The following EPHB2 variants were observed in gnomAD, a reference collection of about 807,000 sequenced individuals.
EPHB2 encodes the protein EPH receptor B2, also known as ephrin type-B receptor 2.
A neutral mutation model predicts 96.4 loss-of-function variants in EPHB2; 18 were observed. That is an observed-to-expected ratio of 0.19 (90% confidence interval 0.13 to 0.28). EPHB2 has a LOEUF of 0.28. Among genes scored for constraint, EPHB2 ranks in the 10% least tolerant of loss-of-function variants. EPHB2 has a pLI of 1.00. For synonymous variants in EPHB2, 506 were observed against 534.1 expected, an observed-to-expected ratio of 0.95 and a Z score of 0.72; for missense variants, 989 against 1,355.4, an observed-to-expected ratio of 0.73 and a Z score of 4.25.
chr1:22,801,601 A>G (rs1172711091), intron 3 of EPHB2, among the ~76,000 whole-genome samples: 1 of 151,996 alleles, frequency 6.6e-6, no homozygotes, highest in East Asian at 1.9e-4. Context: ...GCCTTAGAGG[A>G]TGCCCAGACC....
intron 1 of EPHB2, among the ~76,000 whole-genome samples, chr1:22,719,084 T>G (rs991580153): frequency 2.0e-5 from 3 of 152,186 alleles, no homozygotes; most frequent in Non-Finnish European, 4.4e-5. Context: ...ATAATGTTGT[T>G]CTAACTTAGA....
chr1:22,783,864 T>C (rs1017761739), intron 2 of EPHB2, among the ~76,000 whole-genome samples: 1 of 152,104 alleles, frequency 6.6e-6, no homozygotes, highest in Non-Finnish European at 1.5e-5. Flanking sequence ...GCTGTTCTCA[T>C]GGGGAAGGAC....
chr1:22,815,833 G>A (rs974028193), intron 3 of EPHB2, among the ~76,000 whole-genome samples: 2 of 152,156 alleles, frequency 1.3e-5, no homozygotes, highest in East Asian at 1.9e-4. Context: ...CTGGGAGCCC[G>A]GGGCGGTGCT....
chr1:22,896,600 C>A, intron 9 of EPHB2, 122 bp downstream of exon 9: 3 of 1,317,204 alleles, frequency 2.3e-6, no homozygotes, highest in African/African-American at 1.4e-5. Flanking sequence ...CAAGTGGTTG[C>A]CTGGTTGCAC....
At chr1:22,854,270 G>A (rs960109605) in intron 3 of EPHB2, among the ~76,000 whole-genome samples, 1 of 152,178 alleles carries the variant, frequency 6.6e-6, no homozygotes, top group African/African-American at 2.4e-5. Context: ...CAGCACTTAG[G>A]GAGGTCAGGG....
At chr1:22,876,921 A>C (rs1350909212) in intron 5 of EPHB2, among the ~76,000 whole-genome samples, 3 of 152,174 alleles carry the variant, frequency 2.0e-5, no homozygotes, top group Non-Finnish European at 4.4e-5. Flanking sequence ...AGCTGCCTGT[A>C]ACCCAAGCCT....
intron 1 of EPHB2, among the ~76,000 whole-genome samples, chr1:22,726,873 G>A (rs1428489596): frequency 6.6e-6 from 1 of 152,230 alleles, no homozygotes; most frequent in Non-Finnish European, 1.5e-5. Context: ...TGTGCCGTCA[G>A]GATGGCATTA....
chr1:22,824,929 G>T (rs916154594), intron 3 of EPHB2, among the ~76,000 whole-genome samples: 1 of 152,224 alleles, frequency 6.6e-6, no homozygotes, highest in Non-Finnish European at 1.5e-5. Context: ...GGGCAGAGCT[G>T]GTAACAGAGC....
intron 1 of EPHB2, among the ~76,000 whole-genome samples, chr1:22,768,995 T>C (rs1298048443): frequency 6.6e-6 from 1 of 152,162 alleles, no homozygotes; most frequent in Admixed American, 6.5e-5. Flanking sequence ...ATCCCCCTTA[T>C]AGACTGGGAC....
chr1:22,824,121 A>G (rs1382896228), intron 3 of EPHB2, among the ~76,000 whole-genome samples: 1 of 152,196 alleles, frequency 6.6e-6, no homozygotes, highest in Non-Finnish European at 1.5e-5. Context: ...GGGGCTGGAT[A>G]GGTAGGTAGG....
chr1:22,849,222 C>T (rs1645588108), intron 3 of EPHB2, among the ~76,000 whole-genome samples: 1 of 152,188 alleles, frequency 6.6e-6, no homozygotes, highest in Non-Finnish European at 1.5e-5. Context: ...TGCTCTTCTC[C>T]TCAGGTGTTG....
chr1:22,838,066 A>C (rs1322626424), intron 3 of EPHB2, among the ~76,000 whole-genome samples: 1 of 152,166 alleles, frequency 6.6e-6, no homozygotes, highest in African/African-American at 2.4e-5. Flanking sequence ...ATGGAATCAA[A>C]CTTAAGAGCT....
At chr1:22,724,322 C>G (rs1166357531) in intron 1 of EPHB2, among the ~76,000 whole-genome samples, 1 of 152,138 alleles carries the variant, frequency 6.6e-6, no homozygotes, top group African/African-American at 2.4e-5. Flanking sequence ...GGACAGAGAA[C>G]TAACATTTAC....
At chr1:22,823,800 A>T (rs1275309511) in intron 3 of EPHB2, among the ~76,000 whole-genome samples, 1 of 152,240 alleles carries the variant, frequency 6.6e-6, no homozygotes, top group Non-Finnish European at 1.5e-5. Context: ...CTACCCCAGC[A>T]CCTAGCATAG....
intron 1 of EPHB2, among the ~76,000 whole-genome samples, chr1:22,773,359 G>A (rs1221846746): frequency 6.6e-6 from 1 of 152,110 alleles, no homozygotes; most frequent in Admixed American, 6.6e-5. Flanking sequence ...ACCAGGCCAC[G>A]AGATCCCAGC....
chr1:22,812,045 C>T (rs148824008), intron 3 of EPHB2, among the ~76,000 whole-genome samples: 99 of 152,310 alleles, frequency 6.5e-4, no homozygotes, highest in African/African-American at 1.9e-3. Context: ...TCTCAAAAAA[C>T]GAAATAAAAA....
chr1:22,885,300 A>G (rs116164578), intron 6 of EPHB2, among the ~76,000 whole-genome samples: 123 of 152,358 alleles, frequency 8.1e-4, no homozygotes, highest in African/African-American at 2.9e-3. Flanking sequence ...GGCAACGGAA[A>G]TGAGGAATCC....
intron 3 of EPHB2, among the ~76,000 whole-genome samples, chr1:22,831,411 T>TTA (rs1186412628): frequency 6.6e-6 from 1 of 152,094 alleles, no homozygotes. Context: ...AGGCATTGTG[T>TTA]AATAGCATTG....
intron 1 of EPHB2, among the ~76,000 whole-genome samples, chr1:22,770,880 G>A (rs949893914): frequency 1.3e-5 from 2 of 151,272 alleles, no homozygotes; most frequent in Non-Finnish European, 2.9e-5. Context: ...GACAGGGTGG[G>A]TAGGTGGATG....
Sources: gnomAD v4.1 joint callset for allele counts (sites outside exome capture counted in the v4.1 genomes callset) on GRCh38, gnomAD v4.1.1 for gene constraint, MANE v1.5 for transcripts, NCBI Gene and HGNC (gene_info 2026-07-23, HGNC 2026-07-21) for gene names.